The following ZRANB3 variants were observed in gnomAD, a reference collection of about 807,000 sequenced individuals.
ZRANB3 encodes DNA annealing helicase and endonuclease ZRANB3.
A neutral mutation model predicts 133.8 loss-of-function variants in ZRANB3; 125 were observed. That is an observed-to-expected ratio of 0.93 (90% CI 0.81 to 1.08). ZRANB3 has a LOEUF of 1.08. Ranked by LOEUF, ZRANB3 falls within the 50% of genes least tolerant of loss-of-function variation. The pLI is 0.00. For missense variants in ZRANB3, 1,229 were observed against 1,275.5 expected (o/e 0.96, Z 0.56); for synonymous variants, 387 against 432.7 (o/e 0.89, Z 1.31).
intron 15 of ZRANB3, among the ~76,000 whole-genome samples, chr2:135,221,647 C>G (rs1378054115): frequency 3.9e-5 from 6 of 152,182 alleles, no homozygotes; most frequent in African/African-American, 1.4e-4. Flanking sequence ...TTTCTCTGTC[C>G]CTCTCATGTG....
chr2:135,363,046 C>G (rs559170141), intron 3 of ZRANB3, among the ~76,000 whole-genome samples: 1 of 152,250 alleles, frequency 6.6e-6, no homozygotes, highest in East Asian at 1.9e-4. Context: ...AGTTACAGCT[C>G]TACAACGTAG....
intron 2 of ZRANB3, among the ~76,000 whole-genome samples, chr2:135,425,176 T>C (rs917918396): frequency 1.3e-5 from 2 of 152,166 alleles, no homozygotes; most frequent in Non-Finnish European, 2.9e-5. Context: ...GCATTTTTCA[T>C]GCAATATTAG....
At chr2:135,353,862 G>A (rs1313422398) in intron 3 of ZRANB3, among the ~76,000 whole-genome samples, 1 of 151,944 alleles carries the variant, frequency 6.6e-6, no homozygotes, top group African/African-American at 2.4e-5. Flanking sequence ...AAAATTAGCT[G>A]GGCGTGGTAG....
chr2:135,395,939 C>T (rs559830374), intron 2 of ZRANB3, among the ~76,000 whole-genome samples: 1 of 151,988 alleles, frequency 6.6e-6, no homozygotes, highest in East Asian at 1.9e-4. Context: ...GATTAATAAC[C>T]AGAATAAAGA....
intron 1 of ZRANB3, among the ~76,000 whole-genome samples, chr2:135,512,561 T>C (rs1156291948): frequency 6.6e-6 from 1 of 151,544 alleles, no homozygotes; most frequent in Non-Finnish European, 1.5e-5. Context: ...TAAATTAAAA[T>C]ATATATAAAT....
At chr2:135,392,548 G>A (rs112760493) in intron 2 of ZRANB3, among the ~76,000 whole-genome samples, 1 of 152,008 alleles carries the variant, frequency 6.6e-6, no homozygotes, top group Non-Finnish European at 1.5e-5. Context: ...TCAGGAGTAC[G>A]AGACCAGCCT....
chr2:135,432,710 C>G (rs1363765793), intron 2 of ZRANB3, among the ~76,000 whole-genome samples: 1 of 152,282 alleles, frequency 6.6e-6, no homozygotes, highest in Non-Finnish European at 1.5e-5. Flanking sequence ...CTGGCCCAAA[C>G]AGGAACGTCT....
intron 3 of ZRANB3, among the ~76,000 whole-genome samples, chr2:135,379,298 C>T (rs974374282): frequency 1.3e-5 from 2 of 152,184 alleles, no homozygotes; most frequent in African/African-American, 4.8e-5. Flanking sequence ...CACCAACACA[C>T]ACTTTTAATG....
chr2:135,354,773 G>T (rs1229482116), intron 3 of ZRANB3, among the ~76,000 whole-genome samples: 1 of 152,166 alleles, frequency 6.6e-6, no homozygotes, highest in Non-Finnish European at 1.5e-5. Context: ...GGCTGGAGGT[G>T]GGGGAGGGGA....
intron 12 of ZRANB3, among the ~76,000 whole-genome samples, chr2:135,264,157 T>C (rs1208755300): frequency 6.6e-6 from 1 of 151,416 alleles, no homozygotes; most frequent in Non-Finnish European, 1.5e-5. Context: ...CTAATAAATA[T>C]AGAAGCAATG....
chr2:135,501,191 T>G (rs1371513464), intron 2 of ZRANB3, among the ~76,000 whole-genome samples: 2 of 152,098 alleles, frequency 1.3e-5, no homozygotes, highest in African/African-American at 4.8e-5. Context: ...TTTTTTATTT[T>G]GAAAAATTTC....
At chr2:135,387,461 G>C (rs769557875) in intron 3 of ZRANB3, among the ~76,000 whole-genome samples, 1 of 152,154 alleles carries the variant, frequency 6.6e-6, no homozygotes, top group Non-Finnish European at 1.5e-5. Context: ...GGCATGGTAA[G>C]ATTCCATAAA....
At chr2:135,493,261 A>G (rs1271275656) in intron 2 of ZRANB3, among the ~76,000 whole-genome samples, 2 of 148,284 alleles carry the variant, frequency 1.3e-5, no homozygotes, top group Middle Eastern at 3.3e-3. Flanking sequence ...GTTCAAATAT[A>G]AAAAGCACTA....
chr2:135,518,514 T>C (rs1693792114), intron 1 of ZRANB3, among the ~76,000 whole-genome samples: 1 of 151,900 alleles, frequency 6.6e-6, no homozygotes, highest in Admixed American at 6.6e-5. Flanking sequence ...AGGGAGGGAG[T>C]TCCCTGACCC....
chr2:135,388,667 G>A (rs1488492629), intron 3 of ZRANB3, among the ~76,000 whole-genome samples: 2 of 152,096 alleles, frequency 1.3e-5, no homozygotes, highest in Non-Finnish European at 2.9e-5. Context: ...TTGAGGTTTT[G>A]GAGAATGAGT....
In ZRANB3 at chr2:135,238,165, A is replaced by T. The variant is rs151143774; in HGVS notation, c.1540-7238T>A. Among the ~76,000 whole-genome samples, 40 of 152,262 alleles carry T rather than the reference A, an allele frequency of 2.6e-4. No homozygotes were observed. In the East Asian group the frequency reaches 7.7e-3, roughly 29 times the overall value. On this transcript the variant is annotated intron_variant, in intron 12 of 20. Coordinates refer to ENST00000264159, the MANE Select transcript of ZRANB3 (RefSeq NM_032143.4). ...AGCTACAGTTAGGGCAAATTAAAGG[A>T]TTTAGTTTCAGAGGTGGAGTTGGGA...
chr2:135,503,535 G>A (rs1229825280), intron 2 of ZRANB3, among the ~76,000 whole-genome samples: 1 of 152,014 alleles, frequency 6.6e-6, no homozygotes, highest in Non-Finnish European at 1.5e-5. Flanking sequence ...ACCATATAAT[G>A]GCCCAATTTG....
chr2:135,527,621 A>T (rs896291619), intron 1 of ZRANB3, among the ~76,000 whole-genome samples: 2 of 152,176 alleles, frequency 1.3e-5, no homozygotes, highest in Non-Finnish European at 1.5e-5. Context: ...ATAAAAAATA[A>T]ATTATTAATT....
intron 10 of ZRANB3, among the ~76,000 whole-genome samples, chr2:135,270,565 A>C (rs1027427628): frequency 6.6e-6 from 1 of 152,092 alleles, no homozygotes; most frequent in Non-Finnish European, 1.5e-5. Flanking sequence ...CTTCATTTCT[A>C]ATTCTAAGCC....
Sources: gnomAD v4.1 joint callset for allele counts (sites outside exome capture counted in the v4.1 genomes callset) on GRCh38, gnomAD v4.1.1 for gene constraint, MANE v1.5 for transcripts, NCBI Gene and HGNC (gene_info 2026-07-23, HGNC 2026-07-21) for gene names.